CADPS2: variants seen among roughly 807,000 people sequenced by gnomAD.
CADPS2 encodes calcium-dependent secretion activator 2.
In CADPS2, 93 loss-of-function variants were observed where a neutral mutation model predicts 172.5. The ratio of observed to expected loss-of-function variants is 0.54; its 90% confidence interval spans 0.46 to 0.64. The LOEUF is 0.64. Ranked by LOEUF, CADPS2 falls within the 30% of genes least tolerant of loss-of-function variation. The pLI is 0.00. For missense variants in CADPS2, 1,420 were observed against 1,565.9 expected (o/e 0.91, Z 1.57); for synonymous variants, 546 against 555.2 (o/e 0.98, Z 0.23).
At chr7:122,565,402 G>C (rs1482726883) in intron 7 of CADPS2, among the ~76,000 whole-genome samples, 1 of 152,122 alleles carries the variant, frequency 6.6e-6, no homozygotes, top group African/African-American at 2.4e-5. Flanking sequence ...AATAACACAG[G>C]AAGATAGTGG....
At chr7:122,420,528 T>G (rs527591648) in intron 17 of CADPS2, among the ~76,000 whole-genome samples, 4 of 152,372 alleles carry the variant, frequency 2.6e-5, no homozygotes, top group Admixed American at 2.6e-4. Context: ...AGAAGTTTAA[T>G]GCATTCTACA....
At chr7:122,737,379 A>G (rs1399533777) in intron 1 of CADPS2, among the ~76,000 whole-genome samples, 1 of 152,080 alleles carries the variant, frequency 6.6e-6, no homozygotes, top group African/African-American at 2.4e-5. Context: ...GCCTGCCATC[A>G]CGCCTTGCTA....
chr7:122,508,449 GTTTTTTTTTTTTT>G (rs1205155217), intron 9 of CADPS2, among the ~76,000 whole-genome samples: 13 of 68,430 alleles, frequency 1.9e-4, no homozygotes, highest in South Asian at 1.5e-3. Flanking sequence ...ATTCATTTAA[GTTTTTTTTTTTTT>G]TTTTTTTTTT....
intron 20 of CADPS2, among the ~76,000 whole-genome samples, chr7:122,399,454 A>T (rs942153425): frequency 2.0e-5 from 3 of 152,176 alleles, no homozygotes; most frequent in Admixed American, 1.3e-4. Context: ...AAAGATAAGT[A>T]AAGAAGTCTT....
In CADPS2 at chr7:122,554,668, T is replaced by C. The variant is rs1020378264; in HGVS notation, c.1357A>G (p.Asn453Asp). 6.2e-7 allele frequency: 1 copy of C among 1,609,312 alleles called. No homozygotes were observed. The highest frequency in any genetic ancestry group is 8.5e-7 in the Non-Finnish European group (1 of 1,177,800). The change falls in exon 8 of 30, where the codon AAT (asparagine) becomes GAT (aspartate). Residue 453 changes from asparagine to aspartate, a missense_variant. Asn to Asp is a conservative substitution (Grantham distance 23). Transcript: ENST00000449022. ...LGRVILYPTS[N>D]SSKSAELHRM... ...TGTAATTCAGCTGATTTGGAGCTAT[T>C]AGAAGTTGGGTATAATATCACCTGT...
At position 122,428,590 on chromosome 7, in the gene CADPS2, C is replaced by T. The variant is rs1051022784; in HGVS notation, c.2476+9751G>A. On this transcript the variant is annotated intron_variant, in intron 17 of 29. Coordinates refer to ENST00000449022, the MANE Select transcript of CADPS2 (RefSeq NM_017954.11). ...TCAAGCGATACTCCTGCTTCAGCCT[C>T]CCGAGTAGCTGGGACTACAGCCATG... Among the ~76,000 whole-genome samples, 4 of 151,726 alleles carry T rather than the reference C, an allele frequency of 2.6e-5. No individual in the cohort carries two copies. In the East Asian group the frequency reaches 5.8e-4, roughly 22 times the overall value.
intron 1 of CADPS2, among the ~76,000 whole-genome samples, chr7:122,738,634 G>A (rs2092309693): frequency 6.6e-6 from 1 of 151,896 alleles, no homozygotes; most frequent in African/African-American, 2.4e-5. Context: ...TAAACAAACT[G>A]GTATGACTTG....
At chr7:122,786,704 T>C (rs1178671349) in intron 1 of CADPS2, among the ~76,000 whole-genome samples, 5 of 152,158 alleles carry the variant, frequency 3.3e-5, no homozygotes, top group African/African-American at 1.2e-4. Context: ...TTCAGAGCCC[T>C]CTCCATTATA....
chr7:122,883,446 C>T (rs1823488798), intron 1 of CADPS2, among the ~76,000 whole-genome samples: 1 of 152,178 alleles, frequency 6.6e-6, no homozygotes, highest in African/African-American at 2.4e-5. Flanking sequence ...AATCTTTTTA[C>T]TGGATGCCTG....
chr7:122,622,402 G>C (rs1275632689), intron 4 of CADPS2, among the ~76,000 whole-genome samples: 4 of 152,074 alleles, frequency 2.6e-5, no homozygotes, highest in African/African-American at 4.8e-5. Flanking sequence ...ATATCAATTT[G>C]GAAGATTCTA....
intron 3 of CADPS2, among the ~76,000 whole-genome samples, chr7:122,660,798 T>A (rs2080444649): frequency 6.6e-6 from 1 of 151,998 alleles, no homozygotes; most frequent in Non-Finnish European, 1.5e-5. Flanking sequence ...TAATCCCAGC[T>A]ACTTGGGAGG....
chr7:122,651,687 C>A (rs916730407), intron 3 of CADPS2, among the ~76,000 whole-genome samples: 1 of 151,890 alleles, frequency 6.6e-6, no homozygotes, highest in Admixed American at 6.6e-5. Context: ...CTTTGACACT[C>A]GGGTAAATCT....
chr7:122,344,620 T>G (rs1346874784), intron 28 of CADPS2, among the ~76,000 whole-genome samples: 1 of 152,214 alleles, frequency 6.6e-6, no homozygotes, highest in African/African-American at 2.4e-5. Flanking sequence ...TGGCAGATAT[T>G]TGGCTTTACT....
intron 14 of CADPS2, among the ~76,000 whole-genome samples, chr7:122,455,359 G>A (rs2053629949): frequency 6.6e-6 from 1 of 152,006 alleles, no homozygotes; most frequent in African/African-American, 2.4e-5. Context: ...ACATGAAAGT[G>A]TATTTCCCAT....
chr7:122,416,896 G>A lies in CADPS2; in HGVS notation c.2477-732C>T, dbSNP rs988005396. ...GTTATTTTCTAAGATTCAACAAGCT[G>A]GCAGAAATTAAAGAAGCCCTGTGTA... On this transcript the variant is annotated intron_variant, in intron 17 of 29. Transcript: ENST00000449022. Among the ~76,000 whole-genome samples, 8 of 152,148 alleles carry A rather than the reference G, an allele frequency of 5.3e-5. No individual in the cohort carries two copies. In the East Asian group the frequency reaches 1.2e-3, roughly 22 times the overall value.
intron 8 of CADPS2, among the ~76,000 whole-genome samples, chr7:122,542,344 T>C (rs1013030568): frequency 9.9e-5 from 15 of 152,262 alleles, no homozygotes; most frequent in African/African-American, 3.6e-4. Context: ...TATATATTAC[T>C]ACAAACACAC....
At chr7:122,620,784 A>C (rs2075515119) in intron 5 of CADPS2, among the ~76,000 whole-genome samples, 1 of 152,220 alleles carries the variant, frequency 6.6e-6, no homozygotes, top group African/African-American at 2.4e-5. Context: ...GGTAAAGTAG[A>C]TTTAAAAAGA....
intron 1 of CADPS2, among the ~76,000 whole-genome samples, chr7:122,832,663 C>A (rs1041635107): frequency 2.0e-5 from 3 of 152,160 alleles, no homozygotes; most frequent in Non-Finnish European, 2.9e-5. Flanking sequence ...AAGTAAACAT[C>A]ACATATGTTA....
At chr7:122,747,402 A>C (rs988958485) in intron 1 of CADPS2, among the ~76,000 whole-genome samples, 1 of 152,124 alleles carries the variant, frequency 6.6e-6, no homozygotes, top group African/African-American at 2.4e-5. Context: ...CTTTTCTACA[A>C]ATAATTCCAG....
Sources: allele counts gnomAD v4.1 joint callset (sites outside exome capture counted in the v4.1 genomes callset), GRCh38; gene constraint gnomAD v4.1.1; transcripts MANE v1.5; gene names NCBI Gene and HGNC (gene_info 2026-07-23, HGNC 2026-07-21).